The following TMEM165 variants were observed in gnomAD, a reference collection of about 807,000 sequenced individuals.
TMEM165 encodes the protein transmembrane protein 165.
A neutral mutation model predicts 30.0 loss-of-function variants in TMEM165; 19 were observed. The ratio of observed to expected loss-of-function variants is 0.63; its 90% CI spans 0.44 to 0.93. The LOEUF is 0.93. Ranked by LOEUF, TMEM165 falls within the 40% of genes least tolerant of loss-of-function variation. The probability of loss-of-function intolerance (pLI) is 0.00; values close to 1 mark genes in which losing one functional copy is unlikely to be tolerated. For missense variants in TMEM165, 340 were observed against 417.0 expected, an observed-to-expected ratio of 0.82 and a Z score of 1.61; for synonymous variants, 168 against 162.9, an observed-to-expected ratio of 1.03 and a Z score of -0.24.
chr4:55,430,998 AATGTGTC>A (rs1722463385), downstream of TMEM165: 1 of 152,224 alleles, frequency 6.6e-6, no homozygotes, highest in Non-Finnish European at 1.5e-5. Context: ...ATTTCTCAGA[AATGTGTC>A]ATTTTATATA....
intron 3 of TMEM165, chr4:55,432,328 T>C (rs1722569329): frequency 6.6e-6 from 1 of 152,058 alleles, no homozygotes; most frequent in Non-Finnish European, 1.5e-5. Context: ...CAATACTGAC[T>C]CTCCCAAAAC....
At chr4:55,422,527 A>T (rs1210159229) in intron 4 of TMEM165, among the ~76,000 whole-genome samples, 1 of 151,862 alleles carries the variant, frequency 6.6e-6, no homozygotes, top group Non-Finnish European at 1.5e-5. Context: ...CAAAGTGGTG[A>T]GATTACATGT....
At position 55,440,966 on chromosome 4, in the gene TMEM165, A is replaced by AAAAAC. The variant is rs751491580; in HGVS notation, c.409-11256_409-11252dup. Among the ~76,000 whole-genome samples the AAAAAC allele has an allele frequency of 3.4e-3, 513 of 151,916 alleles. 1 individual carries two copies. Among genetic ancestry groups the AAAAAC allele is most frequent in the Non-Finnish European group, 4.7e-3 (318 of 67,816 alleles). ...TGCCTCAACCCATGAAACTGCTTAC[A>AAAAAC]AAAACAAAACAAAACAAAACACAAC... On this transcript the variant is annotated intron_variant, in intron 3 of 3. Coordinates refer to the TMEM165 transcript ENST00000608091.
rs374575243 is a variant in TMEM165, at chr4:55,445,681, TC to T, written c.409-6557del. Among the ~76,000 whole-genome samples the T allele has an allele frequency of 7.0e-4, 103 of 147,274 alleles. 1 individual carries two copies. The South Asian group carries it at 0.022, about 31-fold the overall frequency. On this transcript the variant is annotated intron_variant, in intron 3 of 3. Coordinates refer to the TMEM165 transcript ENST00000608091. Reference sequence around the variant, plus strand: ...TCATGGCTCTCTACAGCCTTAACTTTCTGGGTTCAAGAGCTCCTCCCATCTC... The same window carrying T: ...TCATGGCTCTCTACAGCCTTAACTTTTGGGTTCAAGAGCTCCTCCCATCTC...
rs1722173173 is a variant in TMEM165, at chr4:55,425,866, T to C, written c.*414T>C. On this transcript the variant is annotated 3_prime_UTR_variant, in exon 6 of 6. Transcript: ENST00000381334. The stretch of plus-strand genomic sequence containing the variant: ...GAAAGAATGAATTAATTTCTATTTC[T>C]TAAAACATTTCCCTGAGCCAGTAAA... 1 of 153,614 alleles carries C rather than the reference T, an allele frequency of 6.5e-6. No homozygotes were observed. The highest frequency in any genetic ancestry group is 1.4e-5 in the Non-Finnish European group (1 of 69,048). 9.5% of individuals were successfully genotyped at this position (153,614 alleles called of 1,614,324 possible).
At chr4:55,418,915 C>G (rs62303685) in intron 4 of TMEM165, among the ~76,000 whole-genome samples, 24,471 of 151,814 alleles carry the variant, frequency 0.16, 2,553 homozygotes, top group Non-Finnish European at 0.21. Flanking sequence ...CAAGGTGGCT[C>G]ATGCCTGTAA....
chr4:55,449,954 C>A, intron 3 of TMEM165: 1 of 1,080,146 alleles, frequency 9.3e-7, no homozygotes, highest in South Asian at 1.4e-5. Context: ...CTTTAACTCA[C>A]TGGAAAGGTT....
intron 2 of TMEM165, chr4:55,415,540 C>T (rs1482280999): frequency 2.0e-5 from 3 of 152,120 alleles, no homozygotes; most frequent in Admixed American, 1.3e-4. Context: ...TTACTGAGCT[C>T]CTTGTTACTG....
At chr4:55,422,766 C>G (rs1383925586) in intron 4 of TMEM165, among the ~76,000 whole-genome samples, 1 of 152,072 alleles carries the variant, frequency 6.6e-6, no homozygotes, top group East Asian at 1.9e-4. Context: ...TCTCCTGCCT[C>G]AGCCTGCCCA....
intron 2 of TMEM165, chr4:55,412,718 G>C (rs1337687712): frequency 6.6e-6 from 1 of 151,766 alleles, no homozygotes. Flanking sequence ...CACCCCCACT[G>C]CTTCACTTTA....
At chr4:55,396,430 A>C (rs1578223966) in intron 1 of TMEM165, 34 bp downstream of exon 1, 2 of 1,395,936 alleles carry the variant, frequency 1.4e-6, no homozygotes, top group East Asian at 3.0e-5. Flanking sequence ...GCGAGGCTGC[A>C]GGGCCGGCTG....
intron 1 of TMEM165, among the ~76,000 whole-genome samples, chr4:55,410,341 C>A (rs1721438942): frequency 6.6e-6 from 1 of 152,166 alleles, no homozygotes; most frequent in African/African-American, 2.4e-5. Context: ...GAGCTTACTG[C>A]TTTTTTGAAG....
downstream of TMEM165, chr4:55,429,264 AT>A (rs1225594566): frequency 6.6e-6 from 1 of 152,146 alleles, no homozygotes; most frequent in Non-Finnish European, 1.5e-5. Context: ...GTTAAGAAAT[AT>A]TTTTTAGATC....
At chr4:55,427,986 G>GTGTT (rs1249326927), downstream of TMEM165, 2 of 152,176 alleles carry the variant, frequency 1.3e-5, no homozygotes, top group East Asian at 3.8e-4. Context: ...CATGAAGCAG[G>GTGTT]TGTTATTTTT....
At chr4:55,406,096 A>G (rs1305523404) in intron 1 of TMEM165, among the ~76,000 whole-genome samples, 1 of 152,234 alleles carries the variant, frequency 6.6e-6, no homozygotes, top group Non-Finnish European at 1.5e-5. Flanking sequence ...TATGAAATGA[A>G]TCTTAGAACC....
chr4:55,417,534 T>C (rs559103496), intron 3 of TMEM165, among the ~76,000 whole-genome samples: 2 of 152,344 alleles, frequency 1.3e-5, no homozygotes, highest in East Asian at 3.9e-4. Context: ...TAATTTTACC[T>C]GTTTCTCCCG....
At chr4:55,447,932 G>A (rs1271594561) in intron 3 of TMEM165, among the ~76,000 whole-genome samples, 1 of 152,166 alleles carries the variant, frequency 6.6e-6, no homozygotes, top group Non-Finnish European at 1.5e-5. Context: ...TGAGTACAGA[G>A]TCATAAATTA....
chr4:55,429,305 A>AACGGT (rs1722367905), downstream of TMEM165: 1 of 152,196 alleles, frequency 6.6e-6, no homozygotes, highest in Admixed American at 6.6e-5. Flanking sequence ...GACGTGCTTT[A>AACGGT]ACTACCGTTC....
rs71194554 is a variant in TMEM165, at chr4:55,402,795, C to CTTTTTTTTTTTTTTTTTTTTT, written c.207+6413_207+6414insTTTTTTTTTTTTTTTTTTTTT. ...ACATTTTTACAACTTTTAAAAAAAG[C>CTTTTTTTTTTTTTTTTTTTTT]TTTTTTTTTTTTTTGAGACGGAGTC... On this transcript the variant is annotated intron_variant, in intron 1 of 5. Coordinates refer to ENST00000381334, the MANE Select transcript of TMEM165 (RefSeq NM_018475.5). Among the ~76,000 whole-genome samples, 61 of 71,404 alleles carry CTTTTTTTTTTTTTTTTTTTTT rather than the reference C, an allele frequency of 8.5e-4. 10 individuals carry two copies. Among genetic ancestry groups the CTTTTTTTTTTTTTTTTTTTTT allele is most frequent in the African/African-American group, 9.5e-4 (15 of 15,838 alleles). 46.8% of individuals were successfully genotyped at this position (71,404 alleles called of 152,430 possible).
Sources: allele counts gnomAD v4.1 joint callset (sites outside exome capture counted in the v4.1 genomes callset), GRCh38; gene constraint gnomAD v4.1.1; transcripts MANE v1.5; gene names NCBI Gene and HGNC (gene_info 2026-07-23, HGNC 2026-07-21).